The following KIRREL3 variants were observed in gnomAD, a reference collection of about 807,000 sequenced individuals.
KIRREL3 encodes the protein kirre like nephrin family adhesion molecule 3.
A neutral mutation model predicts 89.7 loss-of-function variants in KIRREL3; 36 were observed. The ratio of observed to expected loss-of-function variants is 0.40; its 90% CI spans 0.31 to 0.53. The LOEUF is 0.53. Ranked by LOEUF, KIRREL3 falls within the 20% of genes least tolerant of loss-of-function variation. The probability of loss-of-function intolerance (pLI) is 0.49; values close to 1 mark genes in which losing one functional copy is unlikely to be tolerated. For missense variants in KIRREL3, 864 were observed against 1,056.6 expected (o/e 0.82, Z 2.53); for synonymous variants, 445 against 441.4 (o/e 1.01, Z -0.10).
intron 1 of KIRREL3, among the ~76,000 whole-genome samples, chr11:126,986,283 T>C (rs1259707017): frequency 6.6e-6 from 1 of 152,114 alleles, no homozygotes; most frequent in East Asian, 1.9e-4. Context: ...AAAAATAAAA[T>C]GACAATAAGC....
chr11:126,945,338 G>C (rs1277265339), intron 1 of KIRREL3, among the ~76,000 whole-genome samples: 2 of 152,176 alleles, frequency 1.3e-5, no homozygotes, highest in Admixed American at 6.5e-5. Context: ...AGGCTGTGGG[G>C]GGCAGAGGTG....
intron 1 of KIRREL3, among the ~76,000 whole-genome samples, chr11:126,958,546 AT>A (rs912048082): frequency 6.6e-6 from 1 of 152,216 alleles, no homozygotes; most frequent in Non-Finnish European, 1.5e-5. Context: ...TCACTCTTTC[AT>A]TCTATCCAGG....
intron 4 of KIRREL3, among the ~76,000 whole-genome samples, chr11:126,494,526 AT>A (rs1173759680): frequency 1.3e-5 from 2 of 152,038 alleles, no homozygotes; most frequent in African/African-American, 4.8e-5. Context: ...CTTATCATGG[AT>A]TTTTTCACAT....
At chr11:126,621,723 A>G (rs1943583494) in intron 1 of KIRREL3, among the ~76,000 whole-genome samples, 1 of 152,170 alleles carries the variant, frequency 6.6e-6, no homozygotes, top group African/African-American at 2.4e-5. Context: ...TTACTAGAAC[A>G]TTGTTTTCTT....
In KIRREL3 at chr11:126,463,792, T is replaced by G. The variant is rs1212651330; in HGVS notation, c.592-485A>C. On this transcript the variant is annotated intron_variant, in intron 5 of 16. Transcript: ENST00000525144. The surrounding 1 kb of genome is among the most constrained non-coding windows in gnomAD (Gnocchi z 5.9). ...TTTGGGGAATGGGAGTCAGAGTGGG[T>G]GGGGATATGGGCAGAATCAGTGCAC... is the stretch of plus-strand genomic sequence containing the variant. Among the ~76,000 whole-genome samples the G allele has an allele frequency of 6.6e-6, 1 of 151,982 alleles. No homozygotes were observed. Among genetic ancestry groups the G allele is most frequent in the East Asian group, 1.9e-4 (1 of 5,182 alleles).
In KIRREL3 at chr11:126,558,823, TG is replaced by T. The variant is rs1939893130; in HGVS notation, c.133+4011del. On this transcript the variant is annotated intron_variant, in intron 2 of 16. Transcript: ENST00000525144. This position sits in a 1 kb window ranked among gnomAD's most constrained non-coding sequence, Gnocchi z 4.0. ...GGGAGGTGAAGGTTGTGTGCGTGTGTGCACACATGTGGGTGTATGTGTGCAT... is the reference window on the plus strand; with the variant it reads ...GGGAGGTGAAGGTTGTGTGCGTGTGTCACACATGTGGGTGTATGTGTGCAT... 6.6e-6 allele frequency among the ~76,000 whole-genome samples: 1 copy of T among 151,758 alleles called. No individual in the cohort carries two copies. The highest frequency in any genetic ancestry group is 2.1e-4 in the South Asian group (1 of 4,804).
Position 126,894,643 on chromosome 11 carries a change from T to C in KIRREL3, c.55+105812A>G, listed in dbSNP as rs1054081573. Among the ~76,000 whole-genome samples the C allele has an allele frequency of 2.8e-5, 4 of 144,878 alleles. No individual in the cohort carries two copies. The South Asian group carries it at 9.5e-4, about 34-fold the overall frequency. On this transcript the variant is annotated intron_variant, in intron 1 of 16. Transcript: ENST00000525144. ...CACATACACCTGTAGTCTCAGCTAC[T>C]CAGGAGGCTGAGGTGAAATCCCTGG...
At chr11:126,793,971 ATGGTTGAAT>A (rs1950726056) in intron 1 of KIRREL3, among the ~76,000 whole-genome samples, 1 of 152,204 alleles carries the variant, frequency 6.6e-6, no homozygotes, top group South Asian at 2.1e-4. Context: ...TGCATTTCTA[ATGGTTGAAT>A]TTCCAATGCT....
chr11:126,799,416 G>A (rs1246419036), intron 1 of KIRREL3, among the ~76,000 whole-genome samples: 280 of 1,168 alleles, frequency 0.24, 17 homozygotes, highest in African/African-American at 0.34. Context: ...CTGTGTGTGC[G>A]TCTCTGTGTG....
intron 1 of KIRREL3, among the ~76,000 whole-genome samples, chr11:126,959,755 A>T (rs1949027775): frequency 6.6e-6 from 1 of 151,234 alleles, no homozygotes; most frequent in African/African-American, 2.4e-5. Flanking sequence ...CCTACCTTTC[A>T]CTCATTACCC....
intron 10 of KIRREL3, among the ~76,000 whole-genome samples, chr11:126,442,353 C>A (rs182946170): frequency 0.012 from 1,358 of 113,670 alleles, 26 homozygotes; most frequent in African/African-American, 0.035. Context: ...CACACACACA[C>A]AAAACCTTTT....
Position 126,764,114 on chromosome 11 carries a change from A to G in KIRREL3, c.56-201202T>C, listed in dbSNP as rs758772221. ...ATGCATGCCATTTGAGTTTTAAAAG[A>G]CATTCAGATCAGAATGAATGAAATG... On this transcript the variant is annotated intron_variant, in intron 1 of 16. Coordinates refer to ENST00000525144, the MANE Select transcript of KIRREL3 (RefSeq NM_032531.4). This position sits in a 1 kb window ranked among gnomAD's most constrained non-coding sequence, Gnocchi z 4.2. Among the ~76,000 whole-genome samples the G allele has an allele frequency of 6.6e-6, 1 of 152,202 alleles. No homozygotes were observed. The highest frequency in any genetic ancestry group is 1.5e-5 in the Non-Finnish European group (1 of 68,048).
intron 2 of KIRREL3, among the ~76,000 whole-genome samples, chr11:126,534,207 T>TG (rs1959029874): frequency 1.7e-5 from 1 of 58,826 alleles, no homozygotes; most frequent in South Asian, 5.4e-4. Context: ...CCATGCCCTG[T>TG]GGGGGAGAAG....
chr11:126,978,240 A>G lies in KIRREL3; in HGVS notation c.55+22215T>C, dbSNP rs1949633762. Among the ~76,000 whole-genome samples the G allele has an allele frequency of 1.3e-5, 2 of 152,088 alleles. No homozygotes were observed. Among genetic ancestry groups the G allele is most frequent in the African/African-American group, 4.8e-5 (2 of 41,406 alleles). ...TTCCTCTTCTCCAACATTTTCTTTG[A>G]AAGGTGACCCTGCTCCACTTCCTCT... On this transcript the variant is annotated intron_variant, in intron 1 of 16. Transcript: ENST00000525144. The surrounding 1 kb of genome is among the most constrained non-coding windows in gnomAD (Gnocchi z 4.2).
At position 126,781,230 on chromosome 11, in the gene KIRREL3, T is replaced by C. The variant is rs115417908; in HGVS notation, c.56-218318A>G. On this transcript the variant is annotated intron_variant, in intron 1 of 16. Transcript: ENST00000525144. ...GGACACATAATTTAATCTCTCTGGG[T>C]ATCAGTTTCCTCATCTCTACAAGGG... is the stretch of plus-strand genomic sequence containing the variant. Among the ~76,000 whole-genome samples, 1,136 of 152,296 alleles carry C rather than the reference T, an allele frequency of 7.5e-3. 11 individuals are homozygous for C. Among genetic ancestry groups the C allele is most frequent in the South Asian group, 0.024 (118 of 4,820 alleles).
At chr11:126,827,153 T>C (rs1943444580) in intron 1 of KIRREL3, among the ~76,000 whole-genome samples, 1 of 151,022 alleles carries the variant, frequency 6.6e-6, no homozygotes, top group Non-Finnish European at 1.5e-5. Flanking sequence ...ATGTTAAGAA[T>C]CAATATGGAA....
chr11:126,864,783 C>G (rs1461538303), intron 1 of KIRREL3, among the ~76,000 whole-genome samples: 1 of 152,194 alleles, frequency 6.6e-6, no homozygotes, highest in Non-Finnish European at 1.5e-5. Flanking sequence ...GTGCATGCCT[C>G]TAAAGCTGAT....
chr11:126,486,003 A>G lies in KIRREL3; in HGVS notation c.434-12537T>C, dbSNP rs74723998. ...TCGCTCCTTAAATTAGGAAGGGTGA[A>G]TGTCCTGTTTATATTTGGTTAAACC... On this transcript the variant is annotated intron_variant, in intron 4 of 16. Transcript: ENST00000525144. The surrounding 1 kb of genome is among the most constrained non-coding windows in gnomAD (Gnocchi z 6.2). Among the ~76,000 whole-genome samples the G allele has an allele frequency of 0.023, 3,483 of 152,282 alleles. 142 individuals carry two copies. The highest frequency in any genetic ancestry group is 0.075 in the African/African-American group (3,111 of 41,548).
At chr11:126,621,426 T>C (rs1052613439) in intron 1 of KIRREL3, among the ~76,000 whole-genome samples, 4 of 152,222 alleles carry the variant, frequency 2.6e-5, no homozygotes, top group Admixed American at 1.3e-4. Context: ...CTGAATAATT[T>C]AATTTCATGT....
Sources: allele counts gnomAD v4.1 joint callset (sites outside exome capture counted in the v4.1 genomes callset), GRCh38; gene constraint gnomAD v4.1.1; non-coding constraint Gnocchi (gnomAD v3.1); transcripts MANE v1.5; gene names NCBI Gene and HGNC (gene_info 2026-07-23, HGNC 2026-07-21).